Variants in TBC1D5 observed in about 807,000 individuals in gnomAD.
The protein encoded by TBC1D5 is TBC1 domain family, member 5.
A neutral mutation model predicts 100.3 loss-of-function variants in TBC1D5; 75 were observed. The ratio of observed to expected loss-of-function variants is 0.75; its 90% confidence interval spans 0.62 to 0.91. The LOEUF is 0.91. Ranked by LOEUF, TBC1D5 falls within the 40% of genes least tolerant of loss-of-function variation. The probability of loss-of-function intolerance (pLI) is 0.00; values close to 1 mark genes in which losing one functional copy is unlikely to be tolerated. For synonymous variants in TBC1D5, 323 were observed against 325.6 expected (o/e 0.99, Z 0.09); for missense variants, 910 against 942.4 (o/e 0.97, Z 0.45).
chr3:17,525,198 C>T (rs1363829541), intron 2 of TBC1D5, among the ~76,000 whole-genome samples: 3 of 152,032 alleles, frequency 2.0e-5, no homozygotes, highest in Non-Finnish European at 4.4e-5. Context: ...GACGCGATCT[C>T]GGCTCACTGC....
At chr3:17,469,715 T>C (rs2095351028) in intron 3 of TBC1D5, among the ~76,000 whole-genome samples, 1 of 152,256 alleles carries the variant, frequency 6.6e-6, no homozygotes, top group African/African-American at 2.4e-5. Context: ...GCTAATTCCC[T>C]GCTGTTTTAT....
intron 21 of TBC1D5, among the ~76,000 whole-genome samples, 186 bp from the exon 23 acceptor site, chr3:17,161,442 C>T (rs1377813605): frequency 1.3e-5 from 2 of 152,222 alleles, no homozygotes; most frequent in Non-Finnish European, 2.9e-5. Flanking sequence ...GGTGCAGTGC[C>T]AGCAGCATCT....
intron 21 of TBC1D5, 64 bp from the exon 23 acceptor site, chr3:17,161,320 G>C (rs981714770): frequency 3.3e-6 from 5 of 1,523,732 alleles, no homozygotes; most frequent in East Asian, 4.5e-5. Context: ...CTGAGTGGAA[G>C]GCCCTGTGAA....
intron 14 of TBC1D5, among the ~76,000 whole-genome samples, chr3:17,302,793 A>T (rs283940): frequency 0.49 from 74,000 of 151,928 alleles, 19,176 homozygotes; most frequent in African/African-American, 0.63. Context: ...ATCCTACAAA[A>T]GTAGCTCCAA....
intron 18 of TBC1D5, among the ~76,000 whole-genome samples, chr3:17,190,596 T>G (rs1028332930): frequency 6.6e-6 from 1 of 152,118 alleles, no homozygotes; most frequent in African/African-American, 2.4e-5. Flanking sequence ...TCACTTCACA[T>G]AATTATGTTT....
chr3:17,604,599 G>C (rs1438018843), intron 2 of TBC1D5, among the ~76,000 whole-genome samples: 1 of 152,084 alleles, frequency 6.6e-6, no homozygotes, highest in Non-Finnish European at 1.5e-5. Flanking sequence ...TCTATTTTCA[G>C]CTGTACGTAA....
chr3:17,443,824 A>G (rs1354194869), intron 3 of TBC1D5, among the ~76,000 whole-genome samples: 1 of 152,202 alleles, frequency 6.6e-6, no homozygotes, highest in African/African-American at 2.4e-5. Flanking sequence ...GCGGAATGGG[A>G]CAGTGAACTG....
chr3:17,465,560 A>C (rs2150025398), intron 3 of TBC1D5: 1 of 152,444 alleles, frequency 6.6e-6, no homozygotes, highest in East Asian at 1.9e-4. Flanking sequence ...ACCAAAAATA[A>C]ACATAAAAAA....
chr3:17,227,868 TTA>T (rs2075062059), intron 17 of TBC1D5, among the ~76,000 whole-genome samples: 1 of 151,698 alleles, frequency 6.6e-6, no homozygotes, highest in African/African-American at 2.4e-5. Flanking sequence ...TTTTTTTTTT[TTA>T]AGAAAAAAAC....
chr3:17,308,100 G>T (rs2083584695), exon 14 of TBC1D5: 1 of 1,601,132 alleles, frequency 6.2e-7, no homozygotes, highest in Non-Finnish European at 8.5e-7. Context: ...TCCTGCAGGG[G>T]GAACTCTCGT....
intron 1 of TBC1D5, among the ~76,000 whole-genome samples, chr3:17,732,151 C>CT (rs1179462511): frequency 6.6e-6 from 1 of 151,896 alleles, no homozygotes; most frequent in Non-Finnish European, 1.5e-5. Context: ...AACCCCATCT[C>CT]TACTAAAAAT....
chr3:17,214,792 T>TCTCTCC (rs2073425432), intron 17 of TBC1D5, among the ~76,000 whole-genome samples: 1 of 151,844 alleles, frequency 6.6e-6, no homozygotes, highest in African/African-American at 2.4e-5. Context: ...TTGGCCAAAG[T>TCTCTCC]TTTTCAAAAA....
intron 1 of TBC1D5, among the ~76,000 whole-genome samples, chr3:17,643,145 T>C (rs2064688197): frequency 6.6e-6 from 1 of 152,124 alleles, no homozygotes; most frequent in Non-Finnish European, 1.5e-5. Flanking sequence ...TTCTCTTTCA[T>C]GACTGTAATA....
At chr3:17,314,634 C>G (rs1444722597) in intron 13 of TBC1D5, among the ~76,000 whole-genome samples, 1 of 152,138 alleles carries the variant, frequency 6.6e-6, no homozygotes, top group Non-Finnish European at 1.5e-5. Context: ...TTTCAGCCCC[C>G]CAGTATAGTG....
At chr3:17,698,445 A>G (rs1379641197) in intron 1 of TBC1D5, among the ~76,000 whole-genome samples, 3 of 152,162 alleles carry the variant, frequency 2.0e-5, no homozygotes, top group East Asian at 3.9e-4. Context: ...AAACCCTAGA[A>G]GAAAACCTAG....
At chr3:17,265,396 T>G (rs1380062773) in intron 15 of TBC1D5, among the ~76,000 whole-genome samples, 2 of 152,094 alleles carry the variant, frequency 1.3e-5, no homozygotes, top group Non-Finnish European at 2.9e-5. Context: ...CCCTTAATTT[T>G]TATAGCATGC....
intron 4 of TBC1D5, among the ~76,000 whole-genome samples, chr3:17,427,614 C>A (rs1216519577): frequency 6.6e-6 from 1 of 151,840 alleles, no homozygotes; most frequent in Non-Finnish European, 1.5e-5. Flanking sequence ...TGTTGTTACA[C>A]AAGTATCAGA....
At chr3:17,700,913 A>T (rs1045032394) in intron 1 of TBC1D5, among the ~76,000 whole-genome samples, 8 of 152,180 alleles carry the variant, frequency 5.3e-5, no homozygotes, top group African/African-American at 1.9e-4. Flanking sequence ...ATTGTGGAAG[A>T]CAGTGTGGTA....
intron 9 of TBC1D5, 25 bp from the exon 10 acceptor site, chr3:17,376,638 G>C (rs1328588774): frequency 6.3e-7 from 1 of 1,597,414 alleles, no homozygotes; most frequent in East Asian, 2.2e-5. Flanking sequence ...CCAGAAAAAT[G>C]AAAGAGATGG....
Sources: gnomAD v4.1 joint callset for allele counts (sites outside exome capture counted in the v4.1 genomes callset) on GRCh38, gnomAD v4.1.1 for gene constraint, MANE v1.5 for transcripts, NCBI Gene and HGNC (gene_info 2026-07-23, HGNC 2026-07-21) for gene names.